Variants in TTLL1 observed in about 807,000 individuals in gnomAD.
TTLL1 encodes the protein polyglutamylase complex subunit TTLL1.
Under a neutral mutation model 47.8 loss-of-function variants are expected in TTLL1, and 33 were observed. The observed-to-expected ratio is 0.69, with a 90% confidence interval of 0.52 to 0.92. The LOEUF (loss-of-function observed/expected upper bound fraction) is 0.92, where lower values mean the gene tolerates loss of function less well. TTLL1 is among the 40% of genes least tolerant of loss of function. The pLI is 0.00. For synonymous variants in TTLL1, 225 were observed against 214.1 expected, an observed-to-expected ratio of 1.05 and a Z score of -0.45; for missense variants, 488 against 547.5, an observed-to-expected ratio of 0.89 and a Z score of 1.08.
Position 43,063,681 on chromosome 22 carries a change from G to C in TTLL1, c.747+132C>G, listed in dbSNP as rs982273197. The C allele has an allele frequency of 6.2e-5, 42 of 678,482 alleles. No homozygotes were observed. The Admixed American group carries it at 7.1e-4, about 11-fold the overall frequency. The allele number at this position is 678,482 out of a possible 1,614,324, so 42.0% of individuals were successfully genotyped here. On this transcript the variant is annotated intron_variant, in intron 7 of 10. Coordinates refer to ENST00000266254, the MANE Select transcript of TTLL1 (RefSeq NM_012263.5). Reference sequence around the variant, plus strand: ...GGGTTTCATTGTGTTCGTCAGGCTGGTCTCGAACTCCTGACCTCAGGTGAT... The same window carrying C: ...GGGTTTCATTGTGTTCGTCAGGCTGCTCTCGAACTCCTGACCTCAGGTGAT...
At chr22:43,058,385 G>A (rs953134994) in intron 8 of TTLL1, among the ~76,000 whole-genome samples, 2 of 152,212 alleles carry the variant, frequency 1.3e-5, no homozygotes, top group Non-Finnish European at 2.9e-5. Flanking sequence ...AACATAAAAT[G>A]TGAAGATAAA....
intron 3 of TTLL1, among the ~76,000 whole-genome samples, chr22:43,071,675 G>A (rs1295161455): frequency 2.0e-5 from 3 of 152,226 alleles, no homozygotes; most frequent in African/African-American, 7.2e-5. Flanking sequence ...TTCCCACAGT[G>A]CTAGGATTGC....
chr22:43,072,849 G>A (rs1030837856), intron 3 of TTLL1, among the ~76,000 whole-genome samples: 1 of 152,262 alleles, frequency 6.6e-6, no homozygotes, highest in East Asian at 1.9e-4. Flanking sequence ...CTCGCAAGGT[G>A]CTGGGATTAC....
intron 7 of TTLL1, among the ~76,000 whole-genome samples, chr22:43,059,883 TCTCA>T (rs1425495404): frequency 2.6e-5 from 4 of 152,208 alleles, no homozygotes; most frequent in Middle Eastern, 3.4e-3. Context: ...AGAGAAGAGG[TCTCA>T]CTATGTTGCC....
Position 43,039,906 on chromosome 22 carries a change from C to T in TTLL1, c.1143-1G>A. 6.2e-7 allele frequency: 1 copy of T among 1,613,158 alleles called. No homozygotes were observed. The highest frequency in any genetic ancestry group is 8.5e-7 in the Non-Finnish European group (1 of 1,179,650). ...ACCCTGGGCCAATTCTTCATCATAC[C>T]TGGAGACAGAAACAGCCAGGATCAC... On this transcript the variant is annotated splice_acceptor_variant, in intron 10 of 10. Transcript: ENST00000266254. LOFTEE classifies it high-confidence loss of function.
intron 10 of TTLL1, among the ~76,000 whole-genome samples, chr22:43,046,199 C>T (rs781734356): frequency 2.0e-5 from 3 of 152,124 alleles, no homozygotes; most frequent in African/African-American, 4.8e-5. Flanking sequence ...CCAGCCTTGG[C>T]GACAGAGTGA....
intron 2 of TTLL1, among the ~76,000 whole-genome samples, chr22:43,075,830 C>T (rs1161196443): frequency 3.3e-5 from 5 of 152,208 alleles, no homozygotes; most frequent in Admixed American, 2.6e-4. Context: ...GCTCGATGTC[C>T]GACTGCACAG....
At chr22:43,058,591 C>T (rs1037889174) in intron 8 of TTLL1, among the ~76,000 whole-genome samples, 70 of 152,220 alleles carry the variant, frequency 4.6e-4, no homozygotes, top group Admixed American at 4.2e-3. Flanking sequence ...CGGCTCACCC[C>T]GGGATGGCAC....
At chr22:43,048,584 A>G (rs1422329858) in intron 9 of TTLL1, among the ~76,000 whole-genome samples, 1 of 151,252 alleles carries the variant, frequency 6.6e-6, no homozygotes, top group Non-Finnish European at 1.5e-5. Flanking sequence ...AGTTGCGGCG[A>G]GCAATGATGG....
chr22:43,049,803 AG>A (rs1394864141), intron 9 of TTLL1, among the ~76,000 whole-genome samples: 1 of 135,668 alleles, frequency 7.4e-6, no homozygotes, highest in Non-Finnish European at 1.6e-5. Context: ...AAAAAAAAAA[AG>A]AATTGTTGGC....
intron 5 of TTLL1, among the ~76,000 whole-genome samples, chr22:43,067,247 A>G (rs1043480163): frequency 2.6e-5 from 4 of 152,216 alleles, no homozygotes; most frequent in East Asian, 1.9e-4. Flanking sequence ...GGCTCCTCCC[A>G]GATGCTTCAT....
chr22:43,075,608 A>G lies in TTLL1; in HGVS notation c.-4-18T>C. 1.2e-6 allele frequency: 2 copies of G among 1,607,520 alleles called. No homozygotes were observed. The highest frequency in any genetic ancestry group is 1.7e-6 in the Non-Finnish European group (2 of 1,174,082). On this transcript the variant is annotated intron_variant, in intron 2 of 10. Transcript: ENST00000266254. ...CCATAATCCTGGAAGAGATCAAAAT[A>G]TTAGAGATATGAAACTTCAACAGCT...
intron 10 of TTLL1, among the ~76,000 whole-genome samples, chr22:43,042,209 T>C (rs949006567): frequency 1.3e-5 from 2 of 152,258 alleles, no homozygotes; most frequent in East Asian, 3.9e-4. Context: ...ATCTACTGAA[T>C]GAATGGAGAA....
chr22:43,084,595 G>A (rs1347375274), intron 1 of TTLL1, among the ~76,000 whole-genome samples: 3 of 150,734 alleles, frequency 2.0e-5, no homozygotes, highest in African/African-American at 7.3e-5. Context: ...TCTGCCTCCT[G>A]GGCTCACGCC....
intron 7 of TTLL1, among the ~76,000 whole-genome samples, chr22:43,063,196 T>C (rs1246986905): frequency 3.9e-5 from 6 of 152,120 alleles, no homozygotes; most frequent in Non-Finnish European, 8.8e-5. Context: ...CTTTTATAAA[T>C]GGAGAAACCG....
chr22:43,060,865 CACT>C (rs749254388), intron 7 of TTLL1, among the ~76,000 whole-genome samples: 6 of 152,146 alleles, frequency 3.9e-5, no homozygotes, highest in African/African-American at 1.2e-4. Context: ...GAGCAAACAC[CACT>C]GACTCAAAGC....
chr22:43,069,923 C>A, intron 3 of TTLL1, 79 bp from the exon 4 acceptor site: 1 of 1,551,350 alleles, frequency 6.4e-7, no homozygotes, highest in Non-Finnish European at 8.7e-7. Context: ...CCCGCAAACA[C>A]CCTGAACCCT....
intron 6 of TTLL1, 90 bp from the exon 7 acceptor site, chr22:43,064,011 G>A: frequency 1.4e-6 from 2 of 1,456,458 alleles, no homozygotes; most frequent in Non-Finnish European, 1.9e-6. Flanking sequence ...GCTTTTGTGT[G>A]TGTGATTTAC....
At chr22:43,059,770 AC>A (rs1361352883) in intron 7 of TTLL1, among the ~76,000 whole-genome samples, 1 of 151,006 alleles carries the variant, frequency 6.6e-6, no homozygotes, top group Non-Finnish European at 1.5e-5. Context: ...GTGCACTGCA[AC>A]CTTGACCTCT....
Sources: allele counts gnomAD v4.1 joint callset (sites outside exome capture counted in the v4.1 genomes callset), GRCh38; gene constraint gnomAD v4.1.1; transcripts MANE v1.5; gene names NCBI Gene and HGNC (gene_info 2026-07-23, HGNC 2026-07-21).